The following ECT2 variants were observed in gnomAD, a reference collection of about 807,000 sequenced individuals.
ECT2 encodes epithelial cell transforming 2, also known as protein ECT2.
A neutral mutation model predicts 116.9 loss-of-function variants in ECT2; 61 were observed. That is an observed-to-expected ratio of 0.52 (90% CI 0.42 to 0.65). The LOEUF (loss-of-function observed/expected upper bound fraction) is 0.65. Among genes scored for constraint, ECT2 ranks in the 30% least tolerant of loss-of-function variants. ECT2 has a pLI of 0.00. For synonymous variants in ECT2, 358 were observed against 346.4 expected, an observed-to-expected ratio of 1.03 and a Z score of -0.37; for missense variants, 937 against 1,078.7, an observed-to-expected ratio of 0.87 and a Z score of 1.84.
At chr3:172,776,072 A>G (rs1319257199) in intron 14 of ECT2, among the ~76,000 whole-genome samples, 2 of 152,100 alleles carry the variant, frequency 1.3e-5, no homozygotes, top group Non-Finnish European at 2.9e-5. Context: ...TAATTTAGAA[A>G]ATCATATTCT....
At chr3:172,793,602 T>A (rs928483588) in intron 18 of ECT2, among the ~76,000 whole-genome samples, 1 of 152,172 alleles carries the variant, frequency 6.6e-6, no homozygotes, top group Non-Finnish European at 1.5e-5. Context: ...TAATTGAGAT[T>A]ACAGGCACCT....
chr3:172,805,976 A>G (rs1727614452), intron 21 of ECT2, 107 bp downstream of exon 21: 1 of 1,184,512 alleles, frequency 8.4e-7, no homozygotes, highest in Non-Finnish European at 1.2e-6. Context: ...ATCTTTAAAT[A>G]TAGTTGGTCA....
chr3:172,821,994 A>C (rs1730719070), downstream of ECT2, among the ~76,000 whole-genome samples: 1 of 151,894 alleles, frequency 6.6e-6, no homozygotes, highest in African/African-American at 2.4e-5. Flanking sequence ...TATCATGTGT[A>C]AAATTAGGAT....
chr3:172,821,962 T>C (rs916924039), downstream of ECT2, among the ~76,000 whole-genome samples: 3 of 151,882 alleles, frequency 2.0e-5, no homozygotes, highest in Admixed American at 6.6e-5. Context: ...ATCCTTGTTA[T>C]CAGATGAAGA....
intron 22 of ECT2, among the ~76,000 whole-genome samples, chr3:172,814,685 A>G (rs1161132888): frequency 6.6e-6 from 1 of 152,142 alleles, no homozygotes; most frequent in Non-Finnish European, 1.5e-5. Flanking sequence ...TAATTGACAC[A>G]TAACTACATA....
At chr3:172,810,729 C>T (rs909447832) in intron 22 of ECT2, among the ~76,000 whole-genome samples, 2 of 152,064 alleles carry the variant, frequency 1.3e-5, no homozygotes, top group African/African-American at 4.8e-5. Context: ...TCATAACTCA[C>T]GAGTAAACAG....
chr3:172,815,528 T>A (rs1729525980), intron 22 of ECT2, 76 bp from the exon 23 acceptor site: 2 of 884,074 alleles, frequency 2.3e-6, no homozygotes, highest in Non-Finnish European at 3.5e-6. Flanking sequence ...CTCCCATATA[T>A]AAATATGCTT....
chr3:172,793,186 A>T (rs1724984482), intron 18 of ECT2, among the ~76,000 whole-genome samples: 1 of 151,950 alleles, frequency 6.6e-6, no homozygotes, highest in African/African-American at 2.4e-5. Flanking sequence ...TTTATTTTTG[A>T]GATGGAGTCT....
chr3:172,810,839 A>G (rs933394944), intron 22 of ECT2, among the ~76,000 whole-genome samples: 1 of 152,158 alleles, frequency 6.6e-6, no homozygotes, highest in Non-Finnish European at 1.5e-5. Flanking sequence ...TTTCTCCTGA[A>G]ATTAATATTA....
At chr3:172,773,172 G>A (rs1273014048) in intron 13 of ECT2, among the ~76,000 whole-genome samples, 1 of 152,054 alleles carries the variant, frequency 6.6e-6, no homozygotes, top group Non-Finnish European at 1.5e-5. Context: ...ATGACCATAT[G>A]TCTACATTTA....
chr3:172,758,096 G>A (rs920346349), intron 5 of ECT2, among the ~76,000 whole-genome samples: 5 of 152,024 alleles, frequency 3.3e-5, no homozygotes, highest in Non-Finnish European at 7.4e-5. Context: ...TTGACCTCAC[G>A]TTATCTTCCT....
chr3:172,808,616 A>G (rs1560019392), intron 22 of ECT2, among the ~76,000 whole-genome samples: 1 of 152,322 alleles, frequency 6.6e-6, no homozygotes, highest in East Asian at 1.9e-4. Context: ...CTTCCTCTCT[A>G]TATATGAGAG....
At chr3:172,798,769 A>G (rs1726198236) in intron 18 of ECT2, among the ~76,000 whole-genome samples, 1 of 152,198 alleles carries the variant, frequency 6.6e-6, no homozygotes, top group Non-Finnish European at 1.5e-5. Context: ...TTCTTTTAGC[A>G]ATATAGTTAT....
chr3:172,805,323 G>A (rs939431885), intron 20 of ECT2, among the ~76,000 whole-genome samples: 6 of 151,992 alleles, frequency 3.9e-5, no homozygotes, highest in African/African-American at 1.4e-4. Flanking sequence ...ACTTGTTATT[G>A]TTTTTCCTTT....
intron 22 of ECT2, among the ~76,000 whole-genome samples, chr3:172,809,697 G>T (rs1728424708): frequency 6.6e-6 from 1 of 151,428 alleles, no homozygotes; most frequent in Admixed American, 6.6e-5. Flanking sequence ...ATAATTTTTT[G>T]GTACCCTAAG....
intron 24 of ECT2, among the ~76,000 whole-genome samples, chr3:172,818,079 T>C (rs566846492): frequency 1.3e-5 from 2 of 152,200 alleles, no homozygotes; most frequent in South Asian, 4.1e-4. Flanking sequence ...TATAAGTGAT[T>C]TCTTTTTATT....
intron 18 of ECT2, among the ~76,000 whole-genome samples, chr3:172,789,505 G>A (rs1229626793): frequency 1.3e-5 from 2 of 152,058 alleles, no homozygotes; most frequent in African/African-American, 4.8e-5. Flanking sequence ...CAGCCGGCCG[G>A]CACTTTGTTA....
intron 24 of ECT2, chr3:172,818,785 C>T (rs751751794): frequency 7.9e-7 from 1 of 1,268,648 alleles, no homozygotes; most frequent in Non-Finnish European, 1.0e-6. Flanking sequence ...TTGCCAACCA[C>T]TAATGGAAAC....
Position 172,815,592 on chromosome 3 carries a change from ATTT to A in ECT2, c.2401-9_2401-7del. ...TGTTTTTAAGATAACAAAAAGTATT[ATTT>A]TTCAATAGGAGAATCTTATTTATAC... On this transcript the variant is annotated splice_polypyrimidine_tract_variant and intron_variant, in intron 22 of 24. Coordinates refer to ENST00000392692, the MANE Select transcript of ECT2 (RefSeq NM_001258315.2). 1 of 1,497,530 alleles carries A rather than the reference ATTT, an allele frequency of 6.7e-7. No homozygotes were observed. The highest frequency in any genetic ancestry group is 1.2e-5 in the South Asian group (1 of 80,202). The allele number at this position is 1,497,530 out of a possible 1,614,324, so 92.8% of individuals were successfully genotyped here.
Sources: allele counts gnomAD v4.1 joint callset (sites outside exome capture counted in the v4.1 genomes callset), GRCh38; gene constraint gnomAD v4.1.1; transcripts MANE v1.5; gene names NCBI Gene and HGNC (gene_info 2026-07-23, HGNC 2026-07-21).